The following EPHA3 variants were observed in gnomAD, a reference collection of about 807,000 sequenced individuals.
The protein encoded by EPHA3 is ephrin type-A receptor 3.
In EPHA3, 42 loss-of-function variants were observed where a neutral mutation model predicts 107.1. The ratio of observed to expected loss-of-function variants is 0.39; its 90% CI spans 0.31 to 0.51. The LOEUF is 0.51. Ranked by LOEUF, EPHA3 falls within the 20% of genes least tolerant of loss-of-function variation. The pLI is 0.78. For missense variants in EPHA3, 1,183 were observed against 1,211.2 expected (o/e 0.98, Z 0.35); for synonymous variants, 461 against 424.8 (o/e 1.09, Z -1.05).
rs569504772 is a variant in EPHA3 at position 89,459,331 on chromosome 3, A to G, written c.2690+8961A>G. ...CAAGGCAAAACAAGAAGATGTGCAT[A>G]AAAGAATGAAAACAAAAGAAGCTCT... is the stretch of plus-strand genomic sequence containing the variant. On this transcript the variant is annotated intron_variant, in intron 15 of 16. Coordinates refer to ENST00000336596, the MANE Select transcript of EPHA3 (RefSeq NM_005233.6). Among the ~76,000 whole-genome samples the G allele has an allele frequency of 4.6e-5, 7 of 152,318 alleles. No homozygotes were observed. The South Asian group carries it at 1.4e-3, about 32-fold the overall frequency.
At chr3:89,286,119 CGTGTGTGTGTGTGTGT>C (rs373081017) in intron 3 of EPHA3, among the ~76,000 whole-genome samples, 18 of 136,656 alleles carry the variant, frequency 1.3e-4, no homozygotes, top group African/African-American at 3.2e-4. Flanking sequence ...TCAATTTCTA[CGTGTGTGTGTGTGTGT>C]GTGTGTGTGT....
chr3:89,297,023 A>C (rs1576296253), intron 3 of EPHA3, among the ~76,000 whole-genome samples: 1 of 152,206 alleles, frequency 6.6e-6, no homozygotes, highest in Non-Finnish European at 1.5e-5. Flanking sequence ...AGAATTGAAG[A>C]ATGTTAGGAC....
rs572603266 is a variant in EPHA3, at chr3:89,342,834, ATAT to A, written c.1306+749_1306+751del. Among the ~76,000 whole-genome samples the A allele has an allele frequency of 2.8e-3, 430 of 151,196 alleles. 2 individuals carry two copies. The highest frequency in any genetic ancestry group is 4.8e-3 in the Non-Finnish European group (329 of 67,882). ...ACATCCCAAGAAGCTCAATTCAGAGATATTATTGTCTTATTTTTACACATACAC... is the reference window on the plus strand; with the variant it reads ...ACATCCCAAGAAGCTCAATTCAGAGATATTGTCTTATTTTTACACATACAC... On this transcript the variant is annotated intron_variant, in intron 5 of 16. Coordinates refer to ENST00000336596, the MANE Select transcript of EPHA3 (RefSeq NM_005233.6).
At chr3:89,189,393 G>T (rs916465261) in intron 2 of EPHA3, among the ~76,000 whole-genome samples, 1 of 151,962 alleles carries the variant, frequency 6.6e-6, no homozygotes, top group African/African-American at 2.4e-5. Context: ...AAGAGATTGA[G>T]ACCATCCTGG....
intron 11 of EPHA3, among the ~76,000 whole-genome samples, chr3:89,426,495 T>C (rs763330306): frequency 4.0e-5 from 6 of 151,812 alleles, no homozygotes; most frequent in Non-Finnish European, 8.9e-5. Context: ...ACTGATGTGT[T>C]TACAAATACC....
At chr3:89,254,243 A>C (rs1468501318) in intron 3 of EPHA3, among the ~76,000 whole-genome samples, 1 of 152,192 alleles carries the variant, frequency 6.6e-6, no homozygotes, top group Non-Finnish European at 1.5e-5. Context: ...TGTTTAGTTA[A>C]AAAATTTATG....
intron 5 of EPHA3, among the ~76,000 whole-genome samples, chr3:89,365,169 G>T (rs180956400): frequency 5.3e-5 from 8 of 150,988 alleles, no homozygotes; most frequent in Admixed American, 1.3e-4. Context: ...TCTTGAAGAG[G>T]TGGGGTTTGA....
intron 3 of EPHA3, among the ~76,000 whole-genome samples, chr3:89,266,243 A>G (rs1263627025): frequency 6.6e-6 from 1 of 152,168 alleles, no homozygotes; most frequent in Non-Finnish European, 1.5e-5. Context: ...CCTACAGTTC[A>G]AGTCACTAGT....
At chr3:89,394,551 G>T (rs1708810120) in intron 5 of EPHA3, among the ~76,000 whole-genome samples, 1 of 152,172 alleles carries the variant, frequency 6.6e-6, no homozygotes, top group Non-Finnish European at 1.5e-5. Context: ...TTTCTCTGAA[G>T]TGGCACAAGG....
chr3:89,221,931 A>G (rs539881959), intron 3 of EPHA3, among the ~76,000 whole-genome samples: 8 of 152,266 alleles, frequency 5.3e-5, no homozygotes, highest in African/African-American at 1.7e-4. Context: ...AAGATTGGCA[A>G]TGGTGGTATA....
chr3:89,408,611 T>C (rs1709099042), intron 9 of EPHA3, among the ~76,000 whole-genome samples: 1 of 152,158 alleles, frequency 6.6e-6, no homozygotes, highest in South Asian at 2.1e-4. Context: ...AGTTACATGA[T>C]ATCCAACTAG....
rs1259132333 is a variant in EPHA3, at chr3:89,209,774, A to G, written c.154-86A>G. ...TTTAATGAGTAAATGATGATTTATT[A>G]TATAGAGATGGCTCTGACACCCTTA... On this transcript the variant is annotated intron_variant, in intron 2 of 16. Transcript: ENST00000336596. 6 of 1,135,486 alleles carry G rather than the reference A, an allele frequency of 5.3e-6. No homozygotes were observed. The South Asian group carries it at 1.0e-4, about 19-fold the overall frequency. 70.3% of individuals were successfully genotyped at this position (1,135,486 alleles called of 1,614,324 possible). A position where few individuals can be genotyped will look rare whatever the true frequency, so the allele number is the denominator to read the frequency against.
chr3:89,475,580 C>T (rs1710488868), intron 16 of EPHA3, among the ~76,000 whole-genome samples: 1 of 151,986 alleles, frequency 6.6e-6, no homozygotes, highest in Non-Finnish European at 1.5e-5. Context: ...ATTTCATAAC[C>T]TAAGATGGAT....
chr3:89,277,685 TA>T (rs1440350163), intron 3 of EPHA3, among the ~76,000 whole-genome samples: 1 of 152,188 alleles, frequency 6.6e-6, no homozygotes, highest in African/African-American at 2.4e-5. Context: ...CAGTATATTA[TA>T]TTTTTTTGTC....
chr3:89,289,922 A>G (rs538038229), intron 3 of EPHA3, among the ~76,000 whole-genome samples: 1 of 152,226 alleles, frequency 6.6e-6, no homozygotes, highest in African/African-American at 2.4e-5. Context: ...ATTGTGGGTA[A>G]AGTTTAGGTT....
chr3:89,229,982 A>C (rs1704590923), intron 3 of EPHA3, among the ~76,000 whole-genome samples: 1 of 152,052 alleles, frequency 6.6e-6, no homozygotes, highest in African/African-American at 2.4e-5. Context: ...AATTGTTTAC[A>C]CTCGAGGAAA....
chr3:89,266,638 C>A (rs1471193177), intron 3 of EPHA3, among the ~76,000 whole-genome samples: 1 of 152,010 alleles, frequency 6.6e-6, no homozygotes, highest in Non-Finnish European at 1.5e-5. Flanking sequence ...ATTCGGTCAT[C>A]ATTGGTAATT....
chr3:89,114,434 C>T (rs1251275409), intron 1 of EPHA3, among the ~76,000 whole-genome samples: 1 of 152,154 alleles, frequency 6.6e-6, no homozygotes, highest in Non-Finnish European at 1.5e-5. Flanking sequence ...CAACAGTTCA[C>T]TGCTTGCTCA....
At chr3:89,467,084 T>A (rs1281236045) in intron 15 of EPHA3, among the ~76,000 whole-genome samples, 3 of 152,184 alleles carry the variant, frequency 2.0e-5, no homozygotes, top group African/African-American at 7.2e-5. Flanking sequence ...AAAAATTAAA[T>A]TCATTTTATC....
Sources: gnomAD v4.1 joint callset for allele counts (sites outside exome capture counted in the v4.1 genomes callset) on GRCh38, gnomAD v4.1.1 for gene constraint, MANE v1.5 for transcripts, NCBI Gene and HGNC (gene_info 2026-07-23, HGNC 2026-07-21) for gene names.